RUNX1: variants seen among roughly 807,000 people sequenced by gnomAD.
The protein encoded by RUNX1 is runt-related transcription factor 1.
In RUNX1, 19 loss-of-function variants were observed where a neutral mutation model predicts 42.8. The observed-to-expected ratio is 0.44, with a 90% CI of 0.31 to 0.65. The LOEUF (loss-of-function observed/expected upper bound fraction) is 0.65. Among genes scored for constraint, RUNX1 ranks in the 30% least tolerant of loss-of-function variants. RUNX1 has a pLI of 0.07. For missense variants in RUNX1, 528 were observed against 672.0 expected (o/e 0.79, Z 2.37); for synonymous variants, 271 against 289.4 (o/e 0.94, Z 0.64).
At chr21:34,838,729 T>A (rs764587791) in intron 6 of RUNX1, among the ~76,000 whole-genome samples, 1 of 152,128 alleles carries the variant, frequency 6.6e-6, no homozygotes, top group Non-Finnish European at 1.5e-5. Flanking sequence ...GGTATCACAG[T>A]CTAACCTTTA....
chr21:34,788,319 T>C lies in RUNX1; in HGVS notation c.*3816A>G, dbSNP rs2056393612. 4.3e-6 allele frequency: 1 copy of C among 233,528 alleles called. No homozygotes were observed. The highest frequency in any genetic ancestry group is 1.8e-4 in the South Asian group (1 of 5,530). 14.5% of individuals were successfully genotyped at this position (233,528 alleles called of 1,614,324 possible). On this transcript the variant is annotated 3_prime_UTR_variant, in exon 9 of 9. Coordinates refer to ENST00000675419, the MANE Select transcript of RUNX1 (RefSeq NM_001754.5). The stretch of plus-strand genomic sequence containing the variant: ...GAAAGTTTATTTTTTTCCATTGATT[T>C]TTATACATCCAGAATAACACAAATA...
At chr21:34,902,926 G>T (rs549200002) in intron 2 of RUNX1, among the ~76,000 whole-genome samples, 15 of 152,292 alleles carry the variant, frequency 9.8e-5, no homozygotes, top group African/African-American at 3.6e-4. Flanking sequence ...GAGTGGGAAG[G>T]GGCCAGGAAG....
chr21:34,903,933 A>C (rs2058197348), intron 2 of RUNX1, among the ~76,000 whole-genome samples: 1 of 152,170 alleles, frequency 6.6e-6, no homozygotes, highest in African/African-American at 2.4e-5. Flanking sequence ...TTACGTAATT[A>C]TATTTTCTAA....
At chr21:34,836,200 C>A (rs1601419376) in intron 6 of RUNX1, among the ~76,000 whole-genome samples, 1 of 152,224 alleles carries the variant, frequency 6.6e-6, no homozygotes, top group East Asian at 1.9e-4. Flanking sequence ...AGCGCTCCAG[C>A]CCACAACAGG....
intron 2 of RUNX1, among the ~76,000 whole-genome samples, chr21:34,989,218 AG>A (rs1159225480): frequency 1.3e-5 from 2 of 152,024 alleles, no homozygotes; most frequent in Non-Finnish European, 1.5e-5. Flanking sequence ...CATATTGGCC[AG>A]GCTGGTCTTG....
At chr21:34,882,699 T>C (rs2057923682) in intron 4 of RUNX1, among the ~76,000 whole-genome samples, 1 of 152,124 alleles carries the variant, frequency 6.6e-6, no homozygotes, top group Non-Finnish European at 1.5e-5. Context: ...TGTTTTTTTT[T>C]TTTTTCTATT....
intron 2 of RUNX1, among the ~76,000 whole-genome samples, chr21:34,925,133 A>C (rs2058383619): frequency 6.6e-6 from 1 of 152,192 alleles, no homozygotes; most frequent in African/African-American, 2.4e-5. Context: ...TGAAGTCCAT[A>C]AACTCTTCCC....
At chr21:35,041,865 C>A (rs1430455616) in intron 2 of RUNX1, among the ~76,000 whole-genome samples, 1 of 152,004 alleles carries the variant, frequency 6.6e-6, no homozygotes, top group Non-Finnish European at 1.5e-5. Flanking sequence ...GAGATAAAAA[C>A]CTCTTTAGGG....
chr21:34,970,738 T>C (rs956154201), intron 2 of RUNX1, among the ~76,000 whole-genome samples: 25 of 152,208 alleles, frequency 1.6e-4, no homozygotes, highest in African/African-American at 5.8e-4. Flanking sequence ...TGTTCTTGTA[T>C]GGACTATGAT....
At chr21:34,916,023 G>GT (rs1251999030) in intron 2 of RUNX1, among the ~76,000 whole-genome samples, 4 of 152,114 alleles carry the variant, frequency 2.6e-5, no homozygotes, top group African/African-American at 7.2e-5. Context: ...GAATAGAAGA[G>GT]TTTTTTGTGT....
intron 6 of RUNX1, among the ~76,000 whole-genome samples, chr21:34,846,725 A>C (rs1459363292): frequency 6.6e-6 from 1 of 152,128 alleles, no homozygotes; most frequent in Non-Finnish European, 1.5e-5. Context: ...CCGAGAACAG[A>C]CCAGCCCTCA....
intron 2 of RUNX1, among the ~76,000 whole-genome samples, chr21:35,047,939 C>G (rs910355279): frequency 6.6e-6 from 1 of 152,124 alleles, no homozygotes; most frequent in Non-Finnish European, 1.5e-5. Flanking sequence ...TCTTTTACCA[C>G]GAAAGATACA....
At chr21:34,960,683 A>G (rs886991355) in intron 2 of RUNX1, among the ~76,000 whole-genome samples, 15 of 152,280 alleles carry the variant, frequency 9.9e-5, no homozygotes, top group African/African-American at 3.6e-4. Flanking sequence ...ACCGTGGCTG[A>G]GTTCTAGGAG....
chr21:34,874,055 A>C (rs2834657), intron 5 of RUNX1, among the ~76,000 whole-genome samples: 34,856 of 151,974 alleles, frequency 0.23, 4,156 homozygotes, highest in African/African-American at 0.27. Flanking sequence ...AGATGTTATT[A>C]GCATGAATTT....
intron 2 of RUNX1, among the ~76,000 whole-genome samples, chr21:34,924,090 AC>A (rs10714175): frequency 0.77 from 116,333 of 151,578 alleles, 46,745 homozygotes; most frequent in South Asian, 0.93. Context: ...TCAGTGACCC[AC>A]CCCCCGCCAT....
At chr21:34,938,858 C>T (rs546011335) in intron 2 of RUNX1, among the ~76,000 whole-genome samples, 1 of 152,230 alleles carries the variant, frequency 6.6e-6, no homozygotes, top group South Asian at 2.1e-4. Flanking sequence ...CAGATAGGCT[C>T]CTGAGAATAA....
chr21:34,955,755 C>T (rs988997475), intron 2 of RUNX1, among the ~76,000 whole-genome samples: 9 of 152,162 alleles, frequency 5.9e-5, no homozygotes, highest in African/African-American at 2.2e-4. Flanking sequence ...GACCACCATG[C>T]CTGAAGCTCT....
rs77761740 is a variant in RUNX1, at chr21:34,980,073, G to A, written c.58+68769C>T. Among the ~76,000 whole-genome samples, 242 of 152,332 alleles carry A rather than the reference G, an allele frequency of 1.6e-3. 1 individual carries two copies. Among genetic ancestry groups the A allele is most frequent in the Non-Finnish European group, 2.6e-3 (179 of 68,030 alleles). ...TTAAATGAGTCAATATACATAAAGC[G>A]CTTATGTATAAGTACCTGGCTTGAC... On this transcript the variant is annotated intron_variant, in intron 2 of 8. Transcript: ENST00000675419.
intron 2 of RUNX1, among the ~76,000 whole-genome samples, chr21:35,042,248 T>C (rs149768538): frequency 6.6e-6 from 1 of 152,240 alleles, no homozygotes; most frequent in Non-Finnish European, 1.5e-5. Context: ...TTTCAATGGG[T>C]CAACAATAAA....
Sources: gnomAD v4.1 joint callset for allele counts (sites outside exome capture counted in the v4.1 genomes callset) on GRCh38, gnomAD v4.1.1 for gene constraint, MANE v1.5 for transcripts, NCBI Gene and HGNC (gene_info 2026-07-23, HGNC 2026-07-21) for gene names.